The following MAML3 variants were observed in gnomAD, a reference collection of about 807,000 sequenced individuals.
MAML3 encodes the protein mastermind-like protein 3.
A neutral mutation model predicts 101.9 loss-of-function variants in MAML3; 27 were observed. The observed-to-expected ratio is 0.27, with a 90% CI of 0.20 to 0.37. The LOEUF is 0.37. Ranked by LOEUF, MAML3 falls within the 10% of genes least tolerant of loss-of-function variation. The pLI is 1.00. For missense variants in MAML3, 1,316 were observed against 1,444.9 expected (o/e 0.91, Z 1.45); for synonymous variants, 501 against 555.9 (o/e 0.90, Z 1.39).
chr4:139,955,160 T>G (rs1733895449), intron 1 of MAML3, among the ~76,000 whole-genome samples: 1 of 152,122 alleles, frequency 6.6e-6, no homozygotes, highest in Non-Finnish European at 1.5e-5. Context: ...AGTCCCTGAT[T>G]GCAAATTTTT....
rs1228835961 is a variant in MAML3, at chr4:139,717,106, CTT to C, written c.*2215_*2216del. On this transcript the variant is annotated 3_prime_UTR_variant, in exon 5 of 5. Coordinates refer to ENST00000509479, the MANE Select transcript of MAML3 (RefSeq NM_018717.5). ...AGTGATATCTGCAGTATTGTAAAAA[CTT>C]ATGTACAAATAACTTTTTTTAGACA... 1 of 152,394 alleles carries C rather than the reference CTT, an allele frequency of 6.6e-6. No homozygotes were observed. Among genetic ancestry groups the C allele is most frequent in the Non-Finnish European group, 1.5e-5 (1 of 68,006 alleles). 9.4% of individuals were successfully genotyped at this position (152,394 alleles called of 1,614,324 possible).
intron 1 of MAML3, among the ~76,000 whole-genome samples, chr4:139,991,795 A>G (rs1161972103): frequency 6.6e-6 from 1 of 152,120 alleles, no homozygotes; most frequent in Non-Finnish European, 1.5e-5. Flanking sequence ...GGAGTGAGCC[A>G]TGATCATGCC....
At position 140,138,824 on chromosome 4, in the gene MAML3, A is replaced by G. The variant is rs528732357; in HGVS notation, c.468+14036T>C. 4.6e-5 allele frequency among the ~76,000 whole-genome samples: 7 copies of G among 152,336 alleles called. No homozygotes were observed. The East Asian group carries it at 9.6e-4, about 21-fold the overall frequency. ...TTATCACTTAGGCATCCTGAAGCCCAAACTCAAGAATAAAGAATTAAAATT... is the reference window on the plus strand; with the variant it reads ...TTATCACTTAGGCATCCTGAAGCCCGAACTCAAGAATAAAGAATTAAAATT... On this transcript the variant is annotated intron_variant, in intron 1 of 4. Coordinates refer to ENST00000509479, the MANE Select transcript of MAML3 (RefSeq NM_018717.5).
At position 140,151,103 on chromosome 4, in the gene MAML3, C is replaced by T. The variant is rs555095180; in HGVS notation, c.468+1757G>A. 2.0e-5 allele frequency among the ~76,000 whole-genome samples: 3 copies of T among 152,094 alleles called. No individual in the cohort carries two copies. In the South Asian group the frequency reaches 6.2e-4, roughly 32 times the overall value. On this transcript the variant is annotated intron_variant, in intron 1 of 4. Coordinates refer to ENST00000509479, the MANE Select transcript of MAML3 (RefSeq NM_018717.5). Reference sequence around the variant, plus strand: ...CAGCCCAGCGGCCCCGGGGTCTGAGCTGGGCCGCGAGGCGGACAAAGCGCC... The same window carrying T: ...CAGCCCAGCGGCCCCGGGGTCTGAGTTGGGCCGCGAGGCGGACAAAGCGCC...
At chr4:140,005,790 C>A (rs1481098813) in intron 1 of MAML3, among the ~76,000 whole-genome samples, 1 of 152,182 alleles carries the variant, frequency 6.6e-6, no homozygotes, top group South Asian at 2.1e-4. Flanking sequence ...AATATGCACA[C>A]GTGAGTCAAA....
At chr4:139,875,480 T>C (rs1276543254) in intron 2 of MAML3, among the ~76,000 whole-genome samples, 1 of 152,182 alleles carries the variant, frequency 6.6e-6, no homozygotes, top group Admixed American at 6.5e-5. Flanking sequence ...CTAAGTGGGT[T>C]CTTCTCCAGC....
intron 1 of MAML3, among the ~76,000 whole-genome samples, chr4:139,972,517 G>A (rs1218688312): frequency 6.6e-6 from 1 of 152,078 alleles, no homozygotes; most frequent in African/African-American, 2.4e-5. Context: ...ACTAGACTTG[G>A]CTCCTTATGC....
intron 2 of MAML3, among the ~76,000 whole-genome samples, chr4:139,798,067 A>AGGAAG (rs772741171): frequency 2.2e-4 from 33 of 151,748 alleles, no homozygotes; most frequent in Non-Finnish European, 7.4e-5. Flanking sequence ...AAAGAAAGAA[A>AGGAAG]GAAAGAAAGA....
In MAML3 at chr4:140,058,885, G is replaced by A. The variant is rs564929348; in HGVS notation, c.468+93975C>T. Among the ~76,000 whole-genome samples the A allele has an allele frequency of 2.0e-5, 3 of 152,296 alleles. 1 individual carries two copies. The South Asian group carries it at 6.2e-4, about 32-fold the overall frequency. ...GAATAAAGGAAGAAAAAGAAAAAGA[G>A]AATCGGTATGAGACAAATGAAAGAA... On this transcript the variant is annotated intron_variant, in intron 1 of 4. Coordinates refer to ENST00000509479, the MANE Select transcript of MAML3 (RefSeq NM_018717.5).
intron 1 of MAML3, among the ~76,000 whole-genome samples, chr4:140,055,124 A>G (rs1727331074): frequency 1.3e-5 from 2 of 152,080 alleles, no homozygotes; most frequent in South Asian, 2.1e-4. Flanking sequence ...GTCCCTTCTC[A>G]CTCAAGAATC....
chr4:139,833,931 C>T (rs1334192930), intron 2 of MAML3, among the ~76,000 whole-genome samples: 1 of 151,966 alleles, frequency 6.6e-6, no homozygotes, highest in Non-Finnish European at 1.5e-5. Flanking sequence ...GTGGGGCTTC[C>T]TGAAGAGTGG....
At chr4:140,007,104 T>C (rs189313375) in intron 1 of MAML3, among the ~76,000 whole-genome samples, 5 of 152,316 alleles carry the variant, frequency 3.3e-5, no homozygotes, top group Admixed American at 6.5e-5. Flanking sequence ...GGGGCAAATA[T>C]TTATATGAAG....
intron 2 of MAML3, among the ~76,000 whole-genome samples, chr4:139,880,086 T>C (rs1242372057): frequency 6.6e-6 from 1 of 151,886 alleles, no homozygotes; most frequent in Non-Finnish European, 1.5e-5. Context: ...GGCAGGAGAA[T>C]TGCTTGAACC....
chr4:140,083,981 G>C (rs957243619), intron 1 of MAML3, among the ~76,000 whole-genome samples: 24,552 of 126,746 alleles, frequency 0.19, 2,208 homozygotes, highest in East Asian at 0.29. Flanking sequence ...GAGAGAGAGA[G>C]AGAGAGAGAG....
intron 1 of MAML3, among the ~76,000 whole-genome samples, chr4:140,000,963 C>T (rs1466251973): frequency 6.6e-6 from 1 of 151,710 alleles, no homozygotes; most frequent in Non-Finnish European, 1.5e-5. Context: ...GGGAGGTGGA[C>T]GTTGTGGTGA....
chr4:140,009,491 AT>A (rs933475934), intron 1 of MAML3, among the ~76,000 whole-genome samples: 1 of 151,836 alleles, frequency 6.6e-6, no homozygotes, highest in Non-Finnish European at 1.5e-5. Flanking sequence ...TTTTCCTATA[AT>A]TTTTTTTGTC....
At chr4:139,894,410 T>G (rs1370175183) in intron 1 of MAML3, among the ~76,000 whole-genome samples, 1 of 151,962 alleles carries the variant, frequency 6.6e-6, no homozygotes, top group Non-Finnish European at 1.5e-5. Context: ...CTCAGGAGAC[T>G]GAGGCAGGAG....
At chr4:140,059,621 T>G (rs1291953491) in intron 1 of MAML3, among the ~76,000 whole-genome samples, 1 of 152,220 alleles carries the variant, frequency 6.6e-6, no homozygotes, top group African/African-American at 2.4e-5. Context: ...AGAAAGGAAT[T>G]ACCACATCTA....
intron 1 of MAML3, among the ~76,000 whole-genome samples, chr4:139,939,319 A>G (rs1410049830): frequency 6.6e-6 from 1 of 152,170 alleles, no homozygotes; most frequent in African/African-American, 2.4e-5. Context: ...CCAACTCTAG[A>G]TGTCATTAAG....
Sources: gnomAD v4.1 joint callset for allele counts (sites outside exome capture counted in the v4.1 genomes callset) on GRCh38, gnomAD v4.1.1 for gene constraint, MANE v1.5 for transcripts, NCBI Gene and HGNC (gene_info 2026-07-23, HGNC 2026-07-21) for gene names.